Variants in LOC128125818 observed in about 807,000 individuals in gnomAD.
chr4:6,066,884 C>A, the LOC128125818 span, among the ~76,000 whole-genome samples: 1 of 152,204 alleles, frequency 6.6e-6, no homozygotes, highest in Non-Finnish European at 1.5e-5. Context: ...CCCTCCCTCT[C>A]CTCCTCCGCT....
the LOC128125818 span, chr4:6,070,144 C>G: frequency 1.5e-5 from 6 of 398,728 alleles, no homozygotes; most frequent in Admixed American, 4.4e-5. Context: ...AAGTACAGCA[C>G]AAAGAGGACA....
At chr4:6,064,999 C>G in the LOC128125818 span, 1 of 1,614,180 alleles carries the variant, frequency 6.2e-7, no homozygotes. The surrounding 1 kb of genome is among the most constrained non-coding windows in gnomAD (Gnocchi z 4.3). Flanking sequence ...AATGTCTCCA[C>G]AACATGCTTC....
chr4:6,065,206 T>C, the LOC128125818 span, among the ~76,000 whole-genome samples: 1 of 152,036 alleles, frequency 6.6e-6, no homozygotes, highest in Non-Finnish European at 1.5e-5. The surrounding 1 kb of genome is among the most constrained non-coding windows in gnomAD (Gnocchi z 5.1). Flanking sequence ...GACCCTAGGG[T>C]TTACAGCCTG....
At chr4:6,068,547 A>C in the LOC128125818 span, among the ~76,000 whole-genome samples, 26 of 133,534 alleles carry the variant, frequency 1.9e-4, no homozygotes, top group Non-Finnish European at 2.5e-4. Flanking sequence ...GTATTTTTAA[A>C]AATTTTTTAA....
At chr4:6,066,778 T>C in the LOC128125818 span, among the ~76,000 whole-genome samples, 2 of 151,884 alleles carry the variant, frequency 1.3e-5, no homozygotes, top group South Asian at 2.1e-4. Flanking sequence ...CCAATATCTC[T>C]CTCTCTGGAA....
At chr4:6,065,153 G>C in the LOC128125818 span, 3 of 996,662 alleles carry the variant, frequency 3.0e-6, no homozygotes, top group Non-Finnish European at 4.6e-6. This position sits in a 1 kb window ranked among gnomAD's most constrained non-coding sequence, Gnocchi z 5.1. Flanking sequence ...GGTGGGCTTC[G>C]TAACTGACTG....
chr4:6,065,983 A>G, the LOC128125818 span, among the ~76,000 whole-genome samples: 1 of 152,204 alleles, frequency 6.6e-6, no homozygotes, highest in Non-Finnish European at 1.5e-5. The surrounding 1 kb of genome is among the most constrained non-coding windows in gnomAD (Gnocchi z 5.1). Context: ...TTTTAGGAAC[A>G]TAGCTTTTTT....
At chr4:6,066,390 C>T in the LOC128125818 span, among the ~76,000 whole-genome samples, 45 of 152,272 alleles carry the variant, frequency 3.0e-4, no homozygotes, top group African/African-American at 9.9e-4. Context: ...TCACCCAGAA[C>T]GTTCTTGCAT....
chr4:6,065,699 C>T, the LOC128125818 span, among the ~76,000 whole-genome samples: 1 of 152,234 alleles, frequency 6.6e-6, no homozygotes, highest in African/African-American at 2.4e-5. The surrounding 1 kb of genome is among the most constrained non-coding windows in gnomAD (Gnocchi z 5.1). Context: ...TCACTCAGAT[C>T]CAGAGGCAAA....
the LOC128125818 span, among the ~76,000 whole-genome samples, chr4:6,069,042 A>G: frequency 6.6e-6 from 1 of 152,194 alleles, no homozygotes; most frequent in African/African-American, 2.4e-5. This position sits in a 1 kb window ranked among gnomAD's most constrained non-coding sequence, Gnocchi z 4.5. Flanking sequence ...TAAAAAATAG[A>G]AACAATATAT....
chr4:6,066,469 G>A, the LOC128125818 span, among the ~76,000 whole-genome samples: 1 of 152,030 alleles, frequency 6.6e-6, no homozygotes, highest in African/African-American at 2.4e-5. Flanking sequence ...ATATGCATGG[G>A]GAATACGACT....
At chr4:6,069,493 A>G in the LOC128125818 span, among the ~76,000 whole-genome samples, 1 of 152,226 alleles carries the variant, frequency 6.6e-6, no homozygotes, top group Non-Finnish European at 1.5e-5. The surrounding 1 kb of genome is among the most constrained non-coding windows in gnomAD (Gnocchi z 4.5). Flanking sequence ...TCATGCCTGT[A>G]ATCCCAGCAC....
At chr4:6,065,690 C>T in the LOC128125818 span, among the ~76,000 whole-genome samples, 1 of 152,226 alleles carries the variant, frequency 6.6e-6, no homozygotes, top group African/African-American at 2.4e-5. This position sits in a 1 kb window ranked among gnomAD's most constrained non-coding sequence, Gnocchi z 5.1. Flanking sequence ...ACACGACCAT[C>T]ACTCAGATCC....
At chr4:6,065,945 C>T in the LOC128125818 span, among the ~76,000 whole-genome samples, 1 of 152,228 alleles carries the variant, frequency 6.6e-6, no homozygotes, top group Non-Finnish European at 1.5e-5. The surrounding 1 kb of genome is among the most constrained non-coding windows in gnomAD (Gnocchi z 5.1). Flanking sequence ...CAGACCTCAA[C>T]CCACAATCAC....
At chr4:6,068,200 T>A in the LOC128125818 span, among the ~76,000 whole-genome samples, 4 of 152,288 alleles carry the variant, frequency 2.6e-5, no homozygotes, top group South Asian at 6.2e-4. Context: ...GACTGCTAGT[T>A]AAGGACTCAA....
At chr4:6,065,244 C>G in the LOC128125818 span, among the ~76,000 whole-genome samples, 3 of 152,210 alleles carry the variant, frequency 2.0e-5, no homozygotes, top group Non-Finnish European at 2.9e-5. The surrounding 1 kb of genome is among the most constrained non-coding windows in gnomAD (Gnocchi z 5.1). Context: ...CTGGTCCTGG[C>G]TCTGGCTCTC....
the LOC128125818 span, among the ~76,000 whole-genome samples, chr4:6,068,663 T>C: frequency 5.2e-4 from 78 of 151,398 alleles, no homozygotes; most frequent in African/African-American, 1.7e-3. Context: ...GTTCAAGCGA[T>C]TCTTCTGCTT....
the LOC128125818 span, among the ~76,000 whole-genome samples, chr4:6,067,797 CGCAGG>C: frequency 6.9e-6 from 1 of 145,760 alleles, no homozygotes; most frequent in African/African-American, 2.6e-5. This position sits in a 1 kb window ranked among gnomAD's most constrained non-coding sequence, Gnocchi z 4.6. Flanking sequence ...CTTCTGCACA[CGCAGG>C]TCACCCCCCT....
At chr4:6,068,093 A>G in the LOC128125818 span, among the ~76,000 whole-genome samples, 8 of 152,196 alleles carry the variant, frequency 5.3e-5, no homozygotes, top group Non-Finnish European at 1.0e-4. Flanking sequence ...ACCTAGGACG[A>G]TCCACTGTGA....
Sources: allele counts gnomAD v4.1 joint callset (sites outside exome capture counted in the v4.1 genomes callset), GRCh38; gene constraint gnomAD v4.1.1; non-coding constraint Gnocchi (gnomAD v3.1); transcripts MANE v1.5.